Variants in USH2A observed in about 807,000 individuals in gnomAD.
USH2A encodes Usher syndrome 2A (autosomal recessive, mild).
USH2A carries 443 observed loss-of-function variants against 538.9 expected under a neutral mutation model. The ratio of observed to expected loss-of-function variants is 0.82; its 90% CI spans 0.76 to 0.89. The LOEUF (loss-of-function observed/expected upper bound fraction) is 0.89. Ranked by LOEUF, USH2A falls within the 40% of genes least tolerant of loss-of-function variation. USH2A has a pLI of 0.00. For missense variants in USH2A, 6,633 were observed against 6,324.8 expected, an observed-to-expected ratio of 1.05 and a Z score of -1.65; for synonymous variants, 2,413 against 2,273.5, an observed-to-expected ratio of 1.06 and a Z score of -1.75.
At chr1:215,999,298 T>C (rs1668211172) in intron 33 of USH2A, among the ~76,000 whole-genome samples, 3 of 152,182 alleles carry the variant, frequency 2.0e-5, no homozygotes, top group Non-Finnish European at 4.4e-5. Flanking sequence ...TAGCTAACAA[T>C]ACAAAAATGT....
chr1:215,753,836 T>A (rs75625365), intron 58 of USH2A, among the ~76,000 whole-genome samples: 1,541 of 151,926 alleles, frequency 0.01, 20 homozygotes, highest in African/African-American at 0.035. Flanking sequence ...TAAAAAAAAA[T>A]ATTCTCCCAG....
chr1:216,217,950 A>T (rs1296744904), intron 14 of USH2A, among the ~76,000 whole-genome samples: 2 of 152,138 alleles, frequency 1.3e-5, no homozygotes, highest in African/African-American at 4.8e-5. Context: ...CCATAAAATT[A>T]TCTTTTCAAG....
intron 23 of USH2A, among the ~76,000 whole-genome samples, chr1:216,087,089 G>A (rs2032159252): frequency 6.6e-6 from 1 of 152,180 alleles, no homozygotes; most frequent in South Asian, 2.1e-4. Flanking sequence ...TGAATAGTGG[G>A]CTGGGTTCCA....
rs544323079 is a variant in USH2A at position 216,128,758 on chromosome 1, A to G, written c.4628-31545T>C. Among the ~76,000 whole-genome samples, 3 of 152,156 alleles carry G rather than the reference A, an allele frequency of 2.0e-5. 1 individual carries two copies. In the South Asian group the frequency reaches 6.2e-4, roughly 32 times the overall value. Reference sequence around the variant, plus strand: ...ATTTCTTTGTGTTGGGAACACTCCAATTCCACTCTTCTAGTTATTTTCAAA... The same window carrying G: ...ATTTCTTTGTGTTGGGAACACTCCAGTTCCACTCTTCTAGTTATTTTCAAA... On this transcript the variant is annotated intron_variant, in intron 21 of 71. Transcript: ENST00000307340.
At chr1:215,965,606 G>T in intron 36 of USH2A, 127 bp from the exon 37 acceptor site, 1 of 1,055,896 alleles carries the variant, frequency 9.5e-7, no homozygotes, top group Non-Finnish European at 1.4e-6. Context: ...CATCTTGTAT[G>T]AATACCTCAT....
chr1:216,055,494 A>G (rs1390124257), intron 30 of USH2A, among the ~76,000 whole-genome samples: 2 of 152,226 alleles, frequency 1.3e-5, no homozygotes, highest in African/African-American at 4.8e-5. Flanking sequence ...AACCCAGTGG[A>G]TGGATTAAAG....
intron 9 of USH2A, among the ~76,000 whole-genome samples, chr1:216,299,488 T>C (rs2037172406): frequency 6.6e-6 from 1 of 152,076 alleles, no homozygotes. Context: ...TGAAAGTATA[T>C]AAACTAAGAT....
intron 16 of USH2A, among the ~76,000 whole-genome samples, chr1:216,204,909 A>G (rs1468804471): frequency 6.6e-6 from 1 of 152,198 alleles, no homozygotes; most frequent in East Asian, 1.9e-4. Context: ...AATGAAAAAT[A>G]TGGTTTTAGG....
rs761621773 is a variant in USH2A, at chr1:216,325,604, G to A, written c.849-5C>T. 16 of 1,612,236 alleles carry A rather than the reference G, an allele frequency of 9.9e-6. No homozygotes were observed. Among genetic ancestry groups the A allele is most frequent in the African/African-American group, 2.7e-5 (2 of 74,872 alleles). ...GAGAAGACTTCCAGAATCTCTCTGT[G>A]GGAGTCAAGAGGGAGACTGTAAGGA... On this transcript the variant is annotated splice_polypyrimidine_tract_variant and splice_region_variant and intron_variant, in intron 5 of 71. Transcript: ENST00000307340.
chr1:216,007,393 C>A lies in USH2A; in HGVS notation c.6326-6831G>T, dbSNP rs75243211. 4.1e-3 allele frequency among the ~76,000 whole-genome samples: 619 copies of A among 152,070 alleles called. 5 individuals are homozygous for A. Among genetic ancestry groups the A allele is most frequent in the African/African-American group, 0.014 (573 of 41,492 alleles). ...CTTCTGGACAGAGTGACTGAGGGAACAGAGAAGGAAGACTCTGTTCCCTCA... is the reference window on the plus strand; with the variant it reads ...CTTCTGGACAGAGTGACTGAGGGAAAAGAGAAGGAAGACTCTGTTCCCTCA... On this transcript the variant is annotated intron_variant, in intron 32 of 71. Transcript: ENST00000307340.
At chr1:215,798,359 GATA>G (rs1662202872) in intron 50 of USH2A, among the ~76,000 whole-genome samples, 2 of 152,244 alleles carry the variant, frequency 1.3e-5, no homozygotes, top group African/African-American at 4.8e-5. Context: ...TATTTAGCAA[GATA>G]ATGTCTAATA....
In USH2A at chr1:215,911,069, T is replaced by G. The variant is rs546810990; in HGVS notation, c.7301-10164A>C. 4.5e-4 allele frequency among the ~76,000 whole-genome samples: 68 copies of G among 152,018 alleles called. 2 individuals carry two copies. In the South Asian group the frequency reaches 0.011, roughly 25 times the overall value. ...TTTTTTTCTTAATTTTTTAATTTTT[T>G]TTTAATTTGTGGCATATAGGAGGTA... On this transcript the variant is annotated intron_variant, in intron 38 of 71. Transcript: ENST00000307340.
chr1:215,838,880 A>C (rs1464613891), intron 46 of USH2A, among the ~76,000 whole-genome samples: 2 of 152,250 alleles, frequency 1.3e-5, no homozygotes, highest in Non-Finnish European at 2.9e-5. Flanking sequence ...TACTTTTTAC[A>C]GTGCTAATTT....
chr1:216,241,509 G>C (rs999877915), intron 13 of USH2A, among the ~76,000 whole-genome samples: 2 of 151,438 alleles, frequency 1.3e-5, no homozygotes, highest in African/African-American at 4.8e-5. Context: ...TTTTTTGGAG[G>C]ACTTTATCTG....
intron 47 of USH2A, among the ~76,000 whole-genome samples, chr1:215,834,449 A>G (rs187390954): frequency 6.6e-6 from 1 of 152,222 alleles, no homozygotes; most frequent in African/African-American, 2.4e-5. Context: ...GAATGGCTAC[A>G]TATTATGTGA....
At chr1:216,420,135 T>C (rs2039651017) in intron 2 of USH2A, among the ~76,000 whole-genome samples, 1 of 151,900 alleles carries the variant, frequency 6.6e-6, no homozygotes, top group South Asian at 2.1e-4. Flanking sequence ...TTTTTATCCC[T>C]ACCCATCAGG....
At chr1:216,125,709 G>A (rs569442380) in intron 21 of USH2A, among the ~76,000 whole-genome samples, 6 of 152,180 alleles carry the variant, frequency 3.9e-5, no homozygotes, top group Admixed American at 3.3e-4. Flanking sequence ...CAAATTTCAG[G>A]ACAGATAGAT....
chr1:215,647,415 A>G, intron 67 of USH2A, 107 bp downstream of exon 67: 2 of 1,319,398 alleles, frequency 1.5e-6, no homozygotes, highest in Non-Finnish European at 1.1e-6. Context: ...AGTGTTATTG[A>G]GCCCACTCAA....
chr1:215,968,081 T>A (rs1018831386), intron 36 of USH2A, among the ~76,000 whole-genome samples: 2 of 152,216 alleles, frequency 1.3e-5, no homozygotes, highest in African/African-American at 4.8e-5. Flanking sequence ...TGTGAAGGGT[T>A]TCCCTCTAAT....
Sources: allele counts gnomAD v4.1 joint callset (sites outside exome capture counted in the v4.1 genomes callset), GRCh38; gene constraint gnomAD v4.1.1; transcripts MANE v1.5; gene names NCBI Gene and HGNC (gene_info 2026-07-23, HGNC 2026-07-21).